Variants in SLC5A8 observed in about 807,000 individuals in gnomAD.
SLC5A8 encodes the protein sodium-coupled monocarboxylate transporter 1.
A neutral mutation model predicts 71.9 loss-of-function variants in SLC5A8; 55 were observed. The observed-to-expected ratio is 0.77, with a 90% CI of 0.62 to 0.96. SLC5A8 has a LOEUF of 0.96. SLC5A8 is among the 40% of genes least tolerant of loss of function. The pLI is 0.00. For missense variants in SLC5A8, 701 were observed against 745.3 expected (o/e 0.94, Z 0.69); for synonymous variants, 307 against 276.1 (o/e 1.11, Z -1.11).
chr12:101,170,870 T>C (rs545509016), intron 10 of SLC5A8, among the ~76,000 whole-genome samples: 2 of 152,272 alleles, frequency 1.3e-5, no homozygotes, highest in East Asian at 1.9e-4. Flanking sequence ...AATTCCACCC[T>C]GTGGTGCTCG....
chr12:101,166,802 T>G, intron 11 of SLC5A8, 103 bp from the exon 12 acceptor site: 1 of 1,034,988 alleles, frequency 9.7e-7, no homozygotes. Flanking sequence ...ATTATAAAAC[T>G]CACAAGGGCA....
chr12:101,157,297 G>T lies in SLC5A8; in HGVS notation c.1815C>A (p.Ser605Arg), dbSNP rs1422693675. ...AGCAGCTTCACAAACGAGTCCCATT[G>T]CTCTTGCCACTCTGATCTGAGTTCA... ...IELNSDQSGK[S>R]NGTRL The change falls in exon 15 of 15, where the codon AGC becomes AGA. Residue 605 changes from serine to arginine, a missense_variant. Coordinates refer to ENST00000536262, the MANE Select transcript of SLC5A8 (RefSeq NM_145913.5). 3 of 1,613,278 alleles carry T rather than the reference G, an allele frequency of 1.9e-6. No individual in the cohort carries two copies. Among genetic ancestry groups the T allele is most frequent in the Non-Finnish European group, 2.5e-6 (3 of 1,179,648 alleles).
intron 10 of SLC5A8, among the ~76,000 whole-genome samples, chr12:101,178,045 T>C (rs1381794570): frequency 6.6e-6 from 1 of 152,102 alleles, no homozygotes; most frequent in Non-Finnish European, 1.5e-5. Context: ...AACTAATAAG[T>C]GAGCTCAGCA....
At chr12:101,197,489 A>G (rs1869236872) in intron 3 of SLC5A8, among the ~76,000 whole-genome samples, 1 of 152,182 alleles carries the variant, frequency 6.6e-6, no homozygotes, top group Admixed American at 6.5e-5. Context: ...CTAGTAAACT[A>G]CTACCAGTTT....
chr12:101,188,996 T>C (rs985560752), intron 6 of SLC5A8, among the ~76,000 whole-genome samples: 7 of 152,194 alleles, frequency 4.6e-5, no homozygotes, highest in African/African-American at 1.7e-4. Flanking sequence ...TACCATAGCG[T>C]AAGTGTGAGA....
rs545023995 is a variant in SLC5A8, at chr12:101,157,474, G to C, written c.1711-73C>G. On this transcript the variant is annotated intron_variant, in intron 14 of 14. Coordinates refer to ENST00000536262, the MANE Select transcript of SLC5A8 (RefSeq NM_145913.5). ...TTCATTCATGTAATTCTAAATAATT[G>C]TTTCTACTATTTTTATTTCTCTGCA... is the stretch of plus-strand genomic sequence containing the variant. 6.8e-6 allele frequency: 10 copies of C among 1,479,914 alleles called. No individual in the cohort carries two copies. The East Asian group carries it at 2.5e-4, about 37-fold the overall frequency. 91.7% of individuals were successfully genotyped at this position (1,479,914 alleles called of 1,614,324 possible).
At chr12:101,203,590 A>G (rs1869549461) in intron 2 of SLC5A8, among the ~76,000 whole-genome samples, 1 of 152,098 alleles carries the variant, frequency 6.6e-6, no homozygotes, top group Non-Finnish European at 1.5e-5. Flanking sequence ...CAGGTGATCC[A>G]CTTGCCTTGG....
At chr12:101,179,936 T>TATATATCGACACCTGGAC in intron 10 of SLC5A8, 93 bp downstream of exon 10, 1 of 1,312,490 alleles carries the variant, frequency 7.6e-7, no homozygotes, top group Non-Finnish European at 1.1e-6. Flanking sequence ...CAGGTGTCGA[T>TATATATCGACACCTGGAC]ATATATCGAG....
intron 3 of SLC5A8, among the ~76,000 whole-genome samples, chr12:101,197,847 C>A (rs1024612984): frequency 6.6e-6 from 1 of 152,026 alleles, no homozygotes; most frequent in Non-Finnish European, 1.5e-5. Context: ...AAACCTTTGA[C>A]CTTATAGAAC....
intron 7 of SLC5A8, among the ~76,000 whole-genome samples, chr12:101,185,424 G>GC (rs1288537746): frequency 1.3e-5 from 2 of 152,134 alleles, no homozygotes; most frequent in Non-Finnish European, 1.5e-5. Flanking sequence ...TATCTGAGTG[G>GC]CCCCCTCAAG....
chr12:101,200,536 T>A (rs903294432), intron 3 of SLC5A8, among the ~76,000 whole-genome samples: 2 of 152,078 alleles, frequency 1.3e-5, no homozygotes, highest in African/African-American at 4.8e-5. Flanking sequence ...CTTATTTGGA[T>A]CCTGATTCTT....
intron 11 of SLC5A8, among the ~76,000 whole-genome samples, chr12:101,167,254 T>A (rs935883555): frequency 1.3e-5 from 2 of 152,216 alleles, no homozygotes; most frequent in African/African-American, 2.4e-5. Flanking sequence ...TTGTGATTAA[T>A]TCCTACAAAA....
chr12:101,187,419 A>G lies in SLC5A8; in HGVS notation c.930T>C (p.Pro310=), dbSNP rs141439838. ...GTGCAGACACTTTCTTGGCTGTCCA[A>G]GGATCACAGTCATGGTACCTGGAAT... The part of the protein sequence containing the change: ...ALYSRYHDCD[P]WTAKKVSAPD... Residue 310 remains proline, a synonymous_variant, in exon 7 of 15, where the codon CCT becomes CCC. Transcript: ENST00000536262. 6,428 of 1,613,936 alleles carry G rather than the reference A, an allele frequency of 4.0e-3. 21 individuals are homozygous for G. Among genetic ancestry groups the G allele is most frequent in the Non-Finnish European group, 5.0e-3 (5,854 of 1,179,926 alleles).
intron 7 of SLC5A8, among the ~76,000 whole-genome samples, chr12:101,185,603 C>T (rs1267928191): frequency 6.6e-6 from 1 of 152,078 alleles, no homozygotes; most frequent in African/African-American, 2.4e-5. Flanking sequence ...TGTTTTAAGG[C>T]AGTCTCCCTC....
At chr12:101,179,964 G>C in intron 10 of SLC5A8, 65 bp downstream of exon 10, 1 of 1,541,864 alleles carries the variant, frequency 6.5e-7, no homozygotes, top group Non-Finnish European at 9.0e-7. Context: ...TGGAAGGATG[G>C]TCACATCAAC....
At chr12:101,164,520 T>C (rs2051751220) in intron 12 of SLC5A8, among the ~76,000 whole-genome samples, 1 of 152,198 alleles carries the variant, frequency 6.6e-6, no homozygotes, top group Non-Finnish European at 1.5e-5. Flanking sequence ...GCTGGGTGGC[T>C]CACAACCCTT....
chr12:101,207,699 C>A (rs1472745043), intron 1 of SLC5A8, among the ~76,000 whole-genome samples: 1 of 152,162 alleles, frequency 6.6e-6, no homozygotes, highest in African/African-American at 2.4e-5. Context: ...AGCTCACAGA[C>A]TCAGATGCCT....
intron 6 of SLC5A8, among the ~76,000 whole-genome samples, chr12:101,190,188 A>G (rs1868834184): frequency 6.6e-6 from 1 of 152,204 alleles, no homozygotes; most frequent in African/African-American, 2.4e-5. Flanking sequence ...TCTTCAGACA[A>G]AAGCCATATA....
chr12:101,191,220 T>C (rs189671171), intron 5 of SLC5A8, among the ~76,000 whole-genome samples: 1 of 152,330 alleles, frequency 6.6e-6, no homozygotes, highest in African/African-American at 2.4e-5. Flanking sequence ...CTTTATGACA[T>C]CATGTACATA....
Sources: allele counts gnomAD v4.1 joint callset (sites outside exome capture counted in the v4.1 genomes callset), GRCh38; gene constraint gnomAD v4.1.1; transcripts MANE v1.5; gene names NCBI Gene and HGNC (gene_info 2026-07-23, HGNC 2026-07-21).